Variants in GALNT17 observed in about 807,000 individuals in gnomAD.
The protein encoded by GALNT17 is UDP-GalNAc:polypeptide N-acetylgalactosaminyltransferase-like 3.
GALNT17 carries 29 observed loss-of-function variants against 63.7 expected under a neutral mutation model. That is an observed-to-expected ratio of 0.46 (90% CI 0.34 to 0.62). GALNT17 has a LOEUF of 0.62. Among genes scored for constraint, GALNT17 ranks in the 20% least tolerant of loss-of-function variants. The probability of loss-of-function intolerance (pLI) is 0.01; values close to 1 mark genes in which losing one functional copy is unlikely to be tolerated. For missense variants in GALNT17, 603 were observed against 799.6 expected, an observed-to-expected ratio of 0.75 and a Z score of 2.97; for synonymous variants, 305 against 318.3, an observed-to-expected ratio of 0.96 and a Z score of 0.45.
intron 6 of GALNT17, among the ~76,000 whole-genome samples, chr7:71,593,838 A>G (rs1047560925): frequency 6.6e-6 from 1 of 152,210 alleles, no homozygotes; most frequent in Non-Finnish European, 1.5e-5. Flanking sequence ...TGTGACAGAA[A>G]TGGAAAGAAC....
At chr7:71,355,877 G>C (rs1792275412) in intron 2 of GALNT17, among the ~76,000 whole-genome samples, 2 of 152,068 alleles carry the variant, frequency 1.3e-5, no homozygotes, top group Non-Finnish European at 2.9e-5. Flanking sequence ...AAGATGTGTT[G>C]CCTGTTTTCT....
rs578140604 is a variant in GALNT17, at chr7:71,245,229, T to C, written c.239-90321T>C. On this transcript the variant is annotated intron_variant, in intron 1 of 10. Coordinates refer to ENST00000333538, the MANE Select transcript of GALNT17 (RefSeq NM_022479.3). ...TCGACAATAATATGACTGAAGTCTG[T>C]GGGCTTTTCTAACCCCACACATGAT... Among the ~76,000 whole-genome samples, 6 of 152,274 alleles carry C rather than the reference T, an allele frequency of 3.9e-5. No homozygotes were observed. In the East Asian group the frequency reaches 1.2e-3, roughly 29 times the overall value.
chr7:71,186,989 C>G (rs1788862248), intron 1 of GALNT17, among the ~76,000 whole-genome samples: 1 of 152,150 alleles, frequency 6.6e-6, no homozygotes, highest in African/African-American at 2.4e-5. Context: ...GTCCCTTTTC[C>G]TGTTTTCTCT....
chr7:71,636,630 G>C (rs999642773), intron 6 of GALNT17, among the ~76,000 whole-genome samples: 2 of 152,210 alleles, frequency 1.3e-5, no homozygotes, highest in Non-Finnish European at 2.9e-5. Context: ...GAAGACCCAA[G>C]AAGGAGTTTT....
At chr7:71,666,407 A>T (rs922626987) in intron 7 of GALNT17, among the ~76,000 whole-genome samples, 1 of 150,464 alleles carries the variant, frequency 6.6e-6, no homozygotes, top group Non-Finnish European at 1.5e-5. Context: ...AAATTTTTTT[A>T]ATTTTATTTT....
chr7:71,449,809 A>T (rs1787226452), intron 5 of GALNT17, among the ~76,000 whole-genome samples: 1 of 152,068 alleles, frequency 6.6e-6, no homozygotes, highest in Non-Finnish European at 1.5e-5. Flanking sequence ...TGGGAGGCTG[A>T]GGCAGGCAGA....
intron 1 of GALNT17, among the ~76,000 whole-genome samples, chr7:71,172,536 A>G (rs986063855): frequency 3.9e-5 from 6 of 151,902 alleles, no homozygotes; most frequent in Admixed American, 1.3e-4. Flanking sequence ...CCTGAAATAA[A>G]CCTTTTCTGT....
intron 5 of GALNT17, among the ~76,000 whole-genome samples, chr7:71,557,798 C>T (rs1323375089): frequency 4.7e-5 from 7 of 149,572 alleles, no homozygotes; most frequent in East Asian, 2.0e-4. Flanking sequence ...AATACCCGGG[C>T]GCAGTGGCTC....
At chr7:71,366,655 G>A (rs1235259103) in intron 2 of GALNT17, among the ~76,000 whole-genome samples, 1 of 152,130 alleles carries the variant, frequency 6.6e-6, no homozygotes, top group Non-Finnish European at 1.5e-5. Flanking sequence ...GGTGACTACT[G>A]TTGGCTGTTT....
intron 3 of GALNT17, among the ~76,000 whole-genome samples, chr7:71,398,070 T>C (rs1040341334): frequency 2.2e-4 from 34 of 152,168 alleles, no homozygotes; most frequent in Non-Finnish European, 2.1e-4. Flanking sequence ...CTTGTCACCA[T>C]AGTTTTAAAT....
chr7:71,623,942 C>A (rs1364910770), intron 6 of GALNT17, among the ~76,000 whole-genome samples: 3 of 152,138 alleles, frequency 2.0e-5, no homozygotes, highest in Non-Finnish European at 4.4e-5. Context: ...CTATAGTGGA[C>A]CAAGGGGTCC....
At chr7:71,330,303 G>A (rs967283029) in intron 1 of GALNT17, among the ~76,000 whole-genome samples, 4 of 152,236 alleles carry the variant, frequency 2.6e-5, no homozygotes, top group South Asian at 2.1e-4. Flanking sequence ...ATGAGCCACC[G>A]TGCCCGGCTG....
chr7:71,346,052 A>G (rs957918848), intron 2 of GALNT17, among the ~76,000 whole-genome samples: 4 of 145,634 alleles, frequency 2.7e-5, no homozygotes, highest in African/African-American at 7.7e-5. Flanking sequence ...AAAAAGCTGG[A>G]TATGGTGGCT....
At chr7:71,310,660 T>C (rs1456370862) in intron 1 of GALNT17, among the ~76,000 whole-genome samples, 1 of 152,170 alleles carries the variant, frequency 6.6e-6, no homozygotes, top group East Asian at 1.9e-4. Flanking sequence ...AACCCCAGCA[T>C]CTCAAGCAGG....
intron 1 of GALNT17, among the ~76,000 whole-genome samples, chr7:71,240,886 G>T (rs1303200250): frequency 1.3e-5 from 2 of 152,006 alleles, no homozygotes; most frequent in Non-Finnish European, 2.9e-5. Context: ...GGATGGTCTC[G>T]ATCTCCTGAC....
chr7:71,419,801 T>C (rs1352082843), intron 4 of GALNT17, among the ~76,000 whole-genome samples: 1 of 152,246 alleles, frequency 6.6e-6, no homozygotes, highest in Non-Finnish European at 1.5e-5. Context: ...GTCCTAAGCC[T>C]GCCTGGAAGC....
chr7:71,669,953 G>A lies in GALNT17; in HGVS notation c.1267-19G>A, dbSNP rs1562729495. 1 of 1,613,680 alleles carries A rather than the reference G, an allele frequency of 6.2e-7. No homozygotes were observed. Among genetic ancestry groups the A allele is most frequent in the Non-Finnish European group, 8.5e-7 (1 of 1,179,824 alleles). On this transcript the variant is annotated intron_variant, in intron 7 of 10. Coordinates refer to ENST00000333538, the MANE Select transcript of GALNT17 (RefSeq NM_022479.3). ...AGCTCCACAGTCACTAACACCCCTT[G>A]GCTTCTCTCTCCTTTCAGAATCCGG... is the stretch of plus-strand genomic sequence containing the variant.
intron 6 of GALNT17, among the ~76,000 whole-genome samples, chr7:71,606,566 G>A (rs914719436): frequency 1.3e-5 from 2 of 152,118 alleles, no homozygotes; most frequent in African/African-American, 4.8e-5. Flanking sequence ...GTTCTTGCAC[G>A]TGGTACCCAG....
chr7:71,317,808 G>A (rs576474284), intron 1 of GALNT17, among the ~76,000 whole-genome samples: 3 of 152,290 alleles, frequency 2.0e-5, no homozygotes, highest in East Asian at 3.9e-4. Flanking sequence ...CCCTAAGCTA[G>A]TGTCTTTATA....
Sources: gnomAD v4.1 joint callset for allele counts (sites outside exome capture counted in the v4.1 genomes callset) on GRCh38, gnomAD v4.1.1 for gene constraint, MANE v1.5 for transcripts, NCBI Gene and HGNC (gene_info 2026-07-23, HGNC 2026-07-21) for gene names.